Variants in WDR25 observed in about 807,000 individuals in gnomAD.
WDR25 encodes WD repeat-containing protein 25.
Under a neutral mutation model 47.7 loss-of-function variants are expected in WDR25, and 35 were observed. The observed-to-expected ratio is 0.73, with a 90% confidence interval of 0.56 to 0.97. The LOEUF (loss-of-function observed/expected upper bound fraction) is 0.97. Ranked by LOEUF, WDR25 falls within the 50% of genes least tolerant of loss-of-function variation. WDR25 has a pLI of 0.00. For missense variants in WDR25, 634 were observed against 704.7 expected (o/e 0.90, Z 1.14); for synonymous variants, 248 against 278.9 (o/e 0.89, Z 1.10).
chr14:100,393,549 G>A (rs950620271), intron 2 of WDR25, among the ~76,000 whole-genome samples: 8 of 152,206 alleles, frequency 5.3e-5, no homozygotes, highest in Non-Finnish European at 8.8e-5. Context: ...AGGGGAACGA[G>A]GTGTATTCGG....
chr14:100,377,696 TGACTACA>T (rs1471340669), intron 1 of WDR25, among the ~76,000 whole-genome samples: 1 of 152,144 alleles, frequency 6.6e-6, no homozygotes, highest in Admixed American at 6.5e-5. Flanking sequence ...TAGAGGAGGC[TGACTACA>T]GACATTTATG....
intron 4 of WDR25, among the ~76,000 whole-genome samples, chr14:100,510,769 ATT>A (rs891848662): frequency 4.2e-5 from 6 of 142,930 alleles, no homozygotes; most frequent in Admixed American, 7.0e-5. Flanking sequence ...AATAATGTAA[ATT>A]TTTTTTTTTT....
At chr14:100,519,927 A>AG (rs1901656172) in intron 4 of WDR25, among the ~76,000 whole-genome samples, 1 of 143,400 alleles carries the variant, frequency 7.0e-6, no homozygotes, top group Non-Finnish European at 1.5e-5. Flanking sequence ...TATATATACT[A>AG]TATATACACT....
intron 2 of WDR25, among the ~76,000 whole-genome samples, chr14:100,400,141 T>G (rs967096177): frequency 1.3e-5 from 2 of 151,960 alleles, no homozygotes; most frequent in Non-Finnish European, 2.9e-5. Context: ...GCACCAGGAG[T>G]GTGAAAAGCA....
At position 100,468,911 on chromosome 14, in the gene WDR25, C is replaced by A. The variant is rs77930270; in HGVS notation, c.970+743C>A. Reference sequence around the variant, plus strand: ...TTTCCCCTCCCCTCCCCTTTTCTTTCCTTTCCTTTCCCTCTATGTTCTCTT... The same window carrying A: ...TTTCCCCTCCCCTCCCCTTTTCTTTACTTTCCTTTCCCTCTATGTTCTCTT... On this transcript the variant is annotated intron_variant, in intron 3 of 6. Transcript: ENST00000402312. The surrounding 1 kb of genome is among the most constrained non-coding windows in gnomAD (Gnocchi z 4.5). Among the ~76,000 whole-genome samples the A allele has an allele frequency of 0.041, 6,113 of 150,864 alleles. 408 individuals are homozygous for A. The highest frequency in any genetic ancestry group is 0.14 in the African/African-American group (5,781 of 41,214).
intron 5 of WDR25, 76 bp from the exon 6 acceptor site, chr14:100,528,992 C>T: frequency 6.8e-7 from 1 of 1,477,398 alleles, no homozygotes. Context: ...GGTCTGGGAG[C>T]AGGCCCCAGG....
chr14:100,449,965 A>G lies in WDR25; in HGVS notation c.823-18056A>G, dbSNP rs1456523965. ...CTGTAAGTCCCAGTGATTCTTCTCT[A>G]AACTGGGCATTCAGTGCGTCCACAG... On this transcript the variant is annotated intron_variant, in intron 2 of 6. Transcript: ENST00000402312. This position sits in a 1 kb window ranked among gnomAD's most constrained non-coding sequence, Gnocchi z 4.2. Among the ~76,000 whole-genome samples, 2 of 152,102 alleles carry G rather than the reference A, an allele frequency of 1.3e-5. No homozygotes were observed. Among genetic ancestry groups the G allele is most frequent in the Non-Finnish European group, 2.9e-5 (2 of 68,022 alleles).
Position 100,456,826 on chromosome 14 carries a change from A to T in WDR25, c.823-11195A>T, listed in dbSNP as rs566580262. On this transcript the variant is annotated intron_variant, in intron 2 of 6. Transcript: ENST00000402312. ...TAGAACAGAAAAAATATTTAAAGAA[A>T]TAATGGCTGAAACTTTTCTAAATTT... is the stretch of plus-strand genomic sequence containing the variant. Among the ~76,000 whole-genome samples, 4 of 152,380 alleles carry T rather than the reference A, an allele frequency of 2.6e-5. No individual in the cohort carries two copies. In the South Asian group the frequency reaches 8.3e-4, roughly 32 times the overall value.
intron 3 of WDR25, among the ~76,000 whole-genome samples, chr14:100,470,632 G>A (rs190257148): frequency 1.8e-4 from 28 of 152,346 alleles, no homozygotes; most frequent in Admixed American, 4.6e-4. Flanking sequence ...AAGCAGGCAA[G>A]AGTCAGGGCT....
At chr14:100,510,226 C>T (rs561446679) in intron 4 of WDR25, among the ~76,000 whole-genome samples, 3 of 151,014 alleles carry the variant, frequency 2.0e-5, no homozygotes, top group Non-Finnish European at 4.4e-5. Context: ...GCTGAGATTG[C>T]ACCACTGCAC....
intron 4 of WDR25, among the ~76,000 whole-genome samples, chr14:100,518,755 G>T (rs1256355311): frequency 6.6e-6 from 1 of 152,000 alleles, no homozygotes; most frequent in Non-Finnish European, 1.5e-5. Flanking sequence ...GCCAGGCATT[G>T]CAACGTGTGC....
At chr14:100,515,099 T>C (rs1298033841) in intron 4 of WDR25, among the ~76,000 whole-genome samples, 1 of 152,220 alleles carries the variant, frequency 6.6e-6, no homozygotes, top group Non-Finnish European at 1.5e-5. Context: ...TTTCTGTATA[T>C]AATGCATCTT....
At chr14:100,469,836 A>G (rs1198626162) in intron 3 of WDR25, among the ~76,000 whole-genome samples, 4 of 152,206 alleles carry the variant, frequency 2.6e-5, no homozygotes, top group Non-Finnish European at 5.9e-5. Flanking sequence ...CCAGCAAGTG[A>G]CAGAGCCAGG....
intron 2 of WDR25, among the ~76,000 whole-genome samples, chr14:100,402,821 A>G (rs1897418992): frequency 6.6e-6 from 1 of 152,132 alleles, no homozygotes; most frequent in Non-Finnish European, 1.5e-5. Flanking sequence ...CAGAGAAATT[A>G]CTAACACCTC....
intron 2 of WDR25, among the ~76,000 whole-genome samples, chr14:100,441,004 A>G (rs117476107): frequency 1.3e-5 from 2 of 152,144 alleles, no homozygotes; most frequent in African/African-American, 4.8e-5. Flanking sequence ...TGAGAAAGGG[A>G]TTCTCTGTGG....
At position 100,502,124 on chromosome 14, in the gene WDR25, T is replaced by C. The variant is rs944005013; in HGVS notation, c.1101+18000T>C. Among the ~76,000 whole-genome samples the C allele has an allele frequency of 1.3e-5, 2 of 152,212 alleles. No homozygotes were observed. Among genetic ancestry groups the C allele is most frequent in the Non-Finnish European group, 2.9e-5 (2 of 68,026 alleles). ...CTAGGAAGGCTGTCCTTGGAGGATA[T>C]GTTCTGCTTCTGTTGGAAGTGCCTC... On this transcript the variant is annotated intron_variant, in intron 4 of 6. Coordinates refer to ENST00000402312, the MANE Select transcript of WDR25 (RefSeq NM_001161476.3). The surrounding 1 kb of genome is among the most constrained non-coding windows in gnomAD (Gnocchi z 4.5).
Position 100,443,009 on chromosome 14 carries a change from C to T in WDR25, c.823-25012C>T, listed in dbSNP as rs542358909. ...ACTGGTTCCCCACCCAGACCTACCG[C>T]ACTGCTCGGCAGGCCCCAGGCGCTC... is the stretch of plus-strand genomic sequence containing the variant. On this transcript the variant is annotated intron_variant, in intron 2 of 6. Coordinates refer to ENST00000402312, the MANE Select transcript of WDR25 (RefSeq NM_001161476.3). Among the ~76,000 whole-genome samples the T allele has an allele frequency of 9.8e-5, 15 of 152,356 alleles. No homozygotes were observed. In the South Asian group the frequency reaches 1.2e-3, roughly 13 times the overall value.
Position 100,529,906 on chromosome 14 carries a change from C to T in WDR25, c.1500C>T (p.Tyr500=). The change falls in exon 7 of 7, where the codon TAC becomes TAT. Residue 500 remains tyrosine (Y), a synonymous_variant. Transcript: ENST00000402312. This position sits in a 1 kb window ranked among gnomAD's most constrained non-coding sequence, Gnocchi z 5.1. ...TGSADGRVLM[Y]SFRTASRACT... ...GCGCCGATGGCCGGGTCCTGATGTA[C>T]AGCTTCCGCACAGCCAGCCGAGCAT... 6.2e-7 allele frequency: 1 copy of T among 1,613,440 alleles called. No individual in the cohort carries two copies. The highest frequency in any genetic ancestry group is 8.5e-7 in the Non-Finnish European group (1 of 1,180,034).
At position 100,428,930 on chromosome 14, in the gene WDR25, C is replaced by G. The variant is rs1342368454; in HGVS notation, c.823-39091C>G. On this transcript the variant is annotated intron_variant, in intron 2 of 6. Coordinates refer to ENST00000402312, the MANE Select transcript of WDR25 (RefSeq NM_001161476.3). The surrounding 1 kb of genome is among the most constrained non-coding windows in gnomAD (Gnocchi z 4.3). Reference sequence around the variant, plus strand: ...CAGAGGCGTCATCCCCCGAGCCACTCTGAGTCATCTAATATGGTTTCCCGA... The same window carrying G: ...CAGAGGCGTCATCCCCCGAGCCACTGTGAGTCATCTAATATGGTTTCCCGA... 6.6e-6 allele frequency among the ~76,000 whole-genome samples: 1 copy of G among 152,206 alleles called. No homozygotes were observed. Among genetic ancestry groups the G allele is most frequent in the African/African-American group, 2.4e-5 (1 of 41,452 alleles).
Sources: gnomAD v4.1 joint callset for allele counts (sites outside exome capture counted in the v4.1 genomes callset) on GRCh38, gnomAD v4.1.1 for gene constraint, Gnocchi (gnomAD v3.1) non-coding constraint, MANE v1.5 for transcripts, NCBI Gene and HGNC (gene_info 2026-07-23, HGNC 2026-07-21) for gene names.